Variants in PCDHAC2 observed in about 807,000 individuals in gnomAD.
The protein encoded by PCDHAC2 is protocadherin alpha-C2.
Under a neutral mutation model 63.3 loss-of-function variants are expected in PCDHAC2, and 24 were observed. That is an observed-to-expected ratio of 0.38 (90% CI 0.27 to 0.53). The LOEUF (loss-of-function observed/expected upper bound fraction) is 0.53, where lower values mean the gene tolerates loss of function less well. PCDHAC2 is among the 20% of genes least tolerant of loss of function. The probability of loss-of-function intolerance (pLI) is 0.81; values close to 1 mark genes in which losing one functional copy is unlikely to be tolerated. For synonymous variants in PCDHAC2, 569 were observed against 529.4 expected (o/e 1.07, Z -1.03); for missense variants, 1,181 against 1,275.2 (o/e 0.93, Z 1.12).
rs781819149 is a variant in PCDHAC2, at chr5:140,967,975, T to C, written c.1209T>C (p.Gly403=). The change falls in exon 1 of 4, where the codon GGT becomes GGC. Residue 403 remains glycine, a synonymous_variant. Transcript: ENST00000289269. ...GCCCCAACCGGAAAGTGAGCCTGGG[T>C]CTGGAGGCCACACTGCCTTTCCGAC... ...DSGPNRKVSL[G]LEATLPFRLN... is the part of the protein sequence containing the mutation. The C allele has an allele frequency of 3.2e-5, 52 of 1,614,016 alleles. No homozygotes were observed. Among genetic ancestry groups the C allele is most frequent in the African/African-American group, 5.3e-5 (4 of 74,908 alleles).
chr5:140,994,358 G>A (rs2097616894), intron 3 of PCDHAC2, among the ~76,000 whole-genome samples: 1 of 152,162 alleles, frequency 6.6e-6, no homozygotes, highest in Admixed American at 6.5e-5. Flanking sequence ...GACCTCAGAA[G>A]ATGGAATTGG....
chr5:141,000,387 C>CTA (rs2097910380), intron 3 of PCDHAC2, among the ~76,000 whole-genome samples: 5 of 66,898 alleles, frequency 7.5e-5, no homozygotes, highest in Non-Finnish European at 1.1e-4. Context: ...CTCTCTCTCT[C>CTA]TCTCTCTCTA....
At chr5:140,995,510 G>A (rs1554254709) in intron 3 of PCDHAC2, among the ~76,000 whole-genome samples, 1 of 152,142 alleles carries the variant, frequency 6.6e-6, no homozygotes, top group African/African-American at 2.4e-5. Flanking sequence ...GTGGGTAACT[G>A]AAGCCTCAGA....
chr5:140,994,568 G>T (rs1240135648), intron 3 of PCDHAC2, among the ~76,000 whole-genome samples: 1 of 151,992 alleles, frequency 6.6e-6, no homozygotes, highest in Non-Finnish European at 1.5e-5. Context: ...AGCCGGGTGT[G>T]GTGGCATGCA....
intron 3 of PCDHAC2, among the ~76,000 whole-genome samples, chr5:140,985,090 A>C (rs1214396432): frequency 6.6e-6 from 1 of 152,076 alleles, no homozygotes; most frequent in Non-Finnish European, 1.5e-5. Context: ...GGCGTGTGCC[A>C]CCAAGCCTGG....
chr5:141,005,701 C>CAAAAAA (rs59860837), intron 3 of PCDHAC2, among the ~76,000 whole-genome samples: 13 of 7,792 alleles, frequency 1.7e-3, no homozygotes, highest in East Asian at 3.2e-3. Context: ...AACTCCGTCT[C>CAAAAAA]AAAAAAAAAA....
At chr5:140,969,957 G>A (rs1554232176) in intron 1 of PCDHAC2, among the ~76,000 whole-genome samples, 1 of 152,178 alleles carries the variant, frequency 6.6e-6, no homozygotes, top group East Asian at 1.9e-4. Flanking sequence ...AGTTTGCTTT[G>A]GCTGTATGAT....
chr5:140,996,135 C>T (rs2097713564), intron 3 of PCDHAC2, among the ~76,000 whole-genome samples: 1 of 152,140 alleles, frequency 6.6e-6, no homozygotes, highest in Non-Finnish European at 1.5e-5. Flanking sequence ...AGAGGGTTCT[C>T]CCATTATCTT....
chr5:141,009,634 G>A lies in PCDHAC2; in HGVS notation c.2721G>A (p.Glu907=). The change falls in exon 4 of 4, where the codon GAG becomes GAA. Residue 907 remains glutamate (E), a synonymous_variant. Transcript: ENST00000289269. Reference sequence around the variant, plus strand: ...TAATGTTTTGTCTTTCAGAACCAGAGGCAGGAGAAGTGTCCCCTCCAGTCG... The same window carrying A: ...TAATGTTTTGTCTTTCAGAACCAGAAGCAGGAGAAGTGTCCCCTCCAGTCG... The part of the protein sequence containing the change: ...PTVSSATPEP[E]AGEVSPPVGA... The A allele has an allele frequency of 6.2e-7, 1 of 1,613,116 alleles. No individual in the cohort carries two copies. The highest frequency in any genetic ancestry group is 8.5e-7 in the Non-Finnish European group (1 of 1,179,406).
At chr5:141,009,034 C>T (rs183192515) in intron 3 of PCDHAC2, among the ~76,000 whole-genome samples, 64 of 152,344 alleles carry the variant, frequency 4.2e-4, no homozygotes, top group African/African-American at 1.5e-3. Context: ...TTTCCCATCC[C>T]GTTCCCAGTC....
At position 140,968,022 on chromosome 5, in the gene PCDHAC2, A is replaced by G. The variant is rs782399233; in HGVS notation, c.1256A>G (p.Tyr419Cys). Residue 419 changes from tyrosine to cysteine, a missense_variant, in exon 1 of 4, where the codon TAT (tyrosine) becomes TGT (cysteine). Around this residue, in one of 3 missense-constraint regions of PCDHAC2, gnomAD observed 968 missense variants for 1,073.5 expected, o/e 0.90. Transcript: ENST00000289269. Reference sequence around the variant, plus strand: ...CGACTGAATGGCTTTGGAAACTCCTATACACTGGTGGTGAGCGGCCCACTG... The same window carrying G: ...CGACTGAATGGCTTTGGAAACTCCTGTACACTGGTGGTGAGCGGCCCACTG... ...PFRLNGFGNS[Y>C]TLVVSGPLDR... The G allele has an allele frequency of 1.9e-6, 3 of 1,614,142 alleles. No homozygotes were observed. The highest frequency in any genetic ancestry group is 2.2e-5 in the South Asian group (2 of 91,080).
intron 3 of PCDHAC2, among the ~76,000 whole-genome samples, chr5:140,986,426 T>C (rs1405347449): frequency 1.3e-5 from 2 of 152,216 alleles, no homozygotes; most frequent in East Asian, 3.9e-4. Context: ...TTTAACTTCA[T>C]GAGTACTAAT....
rs1159097726 is a variant in PCDHAC2 at position 140,966,938 on chromosome 5, G to A, written c.172G>A (p.Val58Met). 1 of 1,604,146 alleles carries A rather than the reference G, an allele frequency of 6.2e-7. No homozygotes were observed. Among genetic ancestry groups the A allele is most frequent in the African/African-American group, 1.3e-5 (1 of 74,976 alleles). Residue 58 changes from valine to methionine, a missense_variant, in exon 1 of 4, where the codon GTG (valine) becomes ATG (methionine). Val to Met is a conservative substitution (Grantham distance 21, BLOSUM62 1). Transcript: ENST00000289269. ...AGAGGAGCAGGCACCCGGCGCGCTC[G>A]TGGGCAACGTGGCTCGCGCGCTGGG... Reference protein sequence around the residue: ...VPEEQAPGALVGNVARALGLE... With the variant: ...VPEEQAPGALMGNVARALGLE...
In PCDHAC2 at chr5:140,968,287, C is replaced by G. The variant is rs7712041; in HGVS notation, c.1521C>G (p.Ser507=). The G allele has an allele frequency of 6.2e-7, 1 of 1,613,902 alleles. No individual in the cohort carries two copies. The highest frequency in any genetic ancestry group is 1.1e-5 in the South Asian group (1 of 91,062). The change falls in exon 1 of 4, where the codon TCC becomes TCG. Residue 507 remains serine, a synonymous_variant. Transcript: ENST00000289269. ...DEKENAEVTY[S]LLEREIQGLP... is the part of the protein sequence containing the mutation. ...AGGAGAATGCAGAGGTGACCTACTC[C>G]CTTCTGGAGAGGGAGATTCAAGGGC...
At chr5:140,997,406 C>T (rs2097769706) in intron 3 of PCDHAC2, among the ~76,000 whole-genome samples, 1 of 152,094 alleles carries the variant, frequency 6.6e-6, no homozygotes, top group Admixed American at 6.6e-5. Flanking sequence ...TATCGTATGG[C>T]CTATTTCTCC....
At chr5:140,979,068 C>G in intron 2 of PCDHAC2, 61 bp downstream of exon 2, 1 of 1,602,182 alleles carries the variant, frequency 6.2e-7, no homozygotes. Flanking sequence ...CTCAGATAAA[C>G]TGCATCTCCA....
At chr5:140,978,726 T>C (rs1453953300) in intron 1 of PCDHAC2, among the ~76,000 whole-genome samples, 2 of 152,250 alleles carry the variant, frequency 1.3e-5, no homozygotes, top group African/African-American at 4.8e-5. Flanking sequence ...TTATTAAATC[T>C]GGTCTTCCAG....
chr5:140,982,299 T>C, intron 2 of PCDHAC2, 176 bp from the exon 3 acceptor site: 1 of 1,200,862 alleles, frequency 8.3e-7, no homozygotes, highest in South Asian at 1.7e-5. Flanking sequence ...AAGTCAGCAA[T>C]GCTTCTGCAG....
chr5:141,007,107 A>G (rs1162403610), intron 3 of PCDHAC2, among the ~76,000 whole-genome samples: 1 of 152,190 alleles, frequency 6.6e-6, no homozygotes, highest in Non-Finnish European at 1.5e-5. Context: ...GCCAAACCCA[A>G]GGAAGCTTCA....
Sources: gnomAD v4.1 joint callset for allele counts (sites outside exome capture counted in the v4.1 genomes callset) on GRCh38, gnomAD v4.1.1 for gene constraint, gnomAD v4.1.1 regional missense constraint, MANE v1.5 for transcripts, NCBI Gene and HGNC (gene_info 2026-07-23, HGNC 2026-07-21) for gene names.